ADCY8: variants seen among roughly 807,000 people sequenced by gnomAD.
The protein encoded by ADCY8 is adenylate cyclase 8, also known as adenylate cyclase type 8.
In ADCY8, 51 loss-of-function variants were observed where a neutral mutation model predicts 119.7. The ratio of observed to expected loss-of-function variants is 0.43; its 90% CI spans 0.34 to 0.54. ADCY8 has a LOEUF of 0.54. Ranked by LOEUF, ADCY8 falls within the 20% of genes least tolerant of loss-of-function variation. The pLI, the probability that ADCY8 is intolerant of heterozygous loss-of-function variation, is 0.03. For missense variants in ADCY8, 1,383 were observed against 1,598.8 expected, an observed-to-expected ratio of 0.87 and a Z score of 2.30; for synonymous variants, 665 against 651.0, an observed-to-expected ratio of 1.02 and a Z score of -0.33.
chr8:130,898,865 T>C (rs1290684217), intron 7 of ADCY8, among the ~76,000 whole-genome samples: 1 of 152,204 alleles, frequency 6.6e-6, no homozygotes, highest in South Asian at 2.1e-4. Flanking sequence ...TCTACTCTTG[T>C]CCCGACAGTC....
intron 7 of ADCY8, among the ~76,000 whole-genome samples, chr8:130,900,230 G>A (rs191861516): frequency 6.6e-6 from 1 of 152,280 alleles, no homozygotes; most frequent in Non-Finnish European, 1.5e-5. Context: ...AACCCAAATG[G>A]ATACAGATAC....
intron 2 of ADCY8, among the ~76,000 whole-genome samples, chr8:130,978,345 G>C (rs549547312): frequency 1.2e-4 from 19 of 152,156 alleles, no homozygotes; most frequent in African/African-American, 4.6e-4. Flanking sequence ...AGAAAGAAGA[G>C]TTAATGGATT....
chr8:130,880,290 G>A (rs527717461), intron 8 of ADCY8, among the ~76,000 whole-genome samples: 3 of 152,300 alleles, frequency 2.0e-5, no homozygotes, highest in Non-Finnish European at 4.4e-5. Context: ...AATGGTAACA[G>A]TGGTTACCCT....
intron 15 of ADCY8, among the ~76,000 whole-genome samples, chr8:130,787,073 G>A (rs1815270240): frequency 6.6e-6 from 1 of 152,128 alleles, no homozygotes; most frequent in Admixed American, 6.6e-5. Flanking sequence ...AAAGAGCTGA[G>A]AGAGGTAGTG....
At chr8:130,852,370 G>A (rs1365660667) in intron 9 of ADCY8, among the ~76,000 whole-genome samples, 14 of 152,028 alleles carry the variant, frequency 9.2e-5, no homozygotes, top group Admixed American at 9.2e-4. Context: ...AGTTCCCAGA[G>A]GGCTCTAGGC....
chr8:130,977,650 G>C (rs2130717227), intron 2 of ADCY8, among the ~76,000 whole-genome samples: 1 of 152,332 alleles, frequency 6.6e-6, no homozygotes, highest in South Asian at 2.1e-4. Context: ...TGAATTATGT[G>C]ATTTAATCCT....
At chr8:130,879,008 C>T (rs1174755818) in intron 8 of ADCY8, among the ~76,000 whole-genome samples, 1 of 152,118 alleles carries the variant, frequency 6.6e-6, no homozygotes, top group Non-Finnish European at 1.5e-5. Context: ...GAACACTTAG[C>T]TTAATGAAAT....
At chr8:130,875,279 G>A (rs1465111151) in intron 8 of ADCY8, among the ~76,000 whole-genome samples, 6 of 152,170 alleles carry the variant, frequency 3.9e-5, no homozygotes, top group African/African-American at 1.4e-4. Context: ...CACATCTGAA[G>A]GAGGAGGCCA....
At chr8:130,986,638 A>T (rs1234051473) in intron 2 of ADCY8, among the ~76,000 whole-genome samples, 3 of 152,330 alleles carry the variant, frequency 2.0e-5, no homozygotes, top group East Asian at 3.9e-4. Context: ...GTAGAGACAC[A>T]TTAGGAGGGA....
intron 10 of ADCY8, among the ~76,000 whole-genome samples, chr8:130,848,937 A>C (rs1468615072): frequency 1.3e-5 from 2 of 152,204 alleles, no homozygotes; most frequent in Admixed American, 6.5e-5. Context: ...ACAAACTTTT[A>C]GAAAGTATAG....
intron 5 of ADCY8, among the ~76,000 whole-genome samples, chr8:130,924,255 C>A (rs1820396651): frequency 6.6e-6 from 1 of 152,122 alleles, no homozygotes. Flanking sequence ...TGAAGCATAC[C>A]CTGAGGGTGA....
intron 8 of ADCY8, among the ~76,000 whole-genome samples, chr8:130,872,308 C>A (rs541501766): frequency 6.6e-6 from 1 of 152,264 alleles, no homozygotes; most frequent in African/African-American, 2.4e-5. Flanking sequence ...ATAATATCCT[C>A]ACTTTGTAGA....
At chr8:131,003,275 AAAGT>A (rs1823012601) in intron 1 of ADCY8, among the ~76,000 whole-genome samples, 1 of 151,986 alleles carries the variant, frequency 6.6e-6, no homozygotes, top group Non-Finnish European at 1.5e-5. Flanking sequence ...TTAAAGGCTA[AAAGT>A]AAGGCCCATA....
chr8:131,001,460 T>C (rs571344113), intron 1 of ADCY8, among the ~76,000 whole-genome samples: 3 of 151,964 alleles, frequency 2.0e-5, no homozygotes, highest in Admixed American at 6.6e-5. Flanking sequence ...GAGCCTCAAC[T>C]TTCTGATCTG....
chr8:130,919,539 A>T (rs574075569), intron 5 of ADCY8, among the ~76,000 whole-genome samples: 1 of 152,334 alleles, frequency 6.6e-6, no homozygotes, highest in Non-Finnish European at 1.5e-5. Flanking sequence ...CTTTGGGAAG[A>T]AAAGGTCCTG....
At chr8:131,036,819 A>T (rs1586674764) in intron 1 of ADCY8, among the ~76,000 whole-genome samples, 1 of 152,280 alleles carries the variant, frequency 6.6e-6, no homozygotes, top group East Asian at 1.9e-4. Context: ...TTGGAGCCTA[A>T]TGAAGAGAAT....
intron 12 of ADCY8, among the ~76,000 whole-genome samples, chr8:130,822,555 C>A (rs1413372850): frequency 6.6e-6 from 1 of 150,948 alleles, no homozygotes; most frequent in Non-Finnish European, 1.5e-5. Context: ...TCCATCCATC[C>A]ATCCATCCAT....
chr8:130,936,404 A>G (rs547370439), intron 5 of ADCY8, among the ~76,000 whole-genome samples: 1 of 152,316 alleles, frequency 6.6e-6, no homozygotes, highest in African/African-American at 2.4e-5. Flanking sequence ...CATAGGATAA[A>G]GTGCAACCTC....
chr8:130,809,318 G>C (rs1294769049), intron 14 of ADCY8, among the ~76,000 whole-genome samples: 1 of 152,160 alleles, frequency 6.6e-6, no homozygotes, highest in African/African-American at 2.4e-5. Flanking sequence ...CTGAGCCTCA[G>C]TTTCTTCATC....
Sources: gnomAD v4.1 joint callset for allele counts (sites outside exome capture counted in the v4.1 genomes callset) on GRCh38, gnomAD v4.1.1 for gene constraint, MANE v1.5 for transcripts, NCBI Gene and HGNC (gene_info 2026-07-23, HGNC 2026-07-21) for gene names.